Variants in SLC15A2 observed in about 807,000 individuals in gnomAD.
The protein encoded by SLC15A2 is kidney H(+)/peptide cotransporter.
In SLC15A2, 77 loss-of-function variants were observed where a neutral mutation model predicts 95.5. The ratio of observed to expected loss-of-function variants is 0.81; its 90% CI spans 0.67 to 0.97. The LOEUF is 0.97. SLC15A2 is among the 50% of genes least tolerant of loss of function. The pLI is 0.00. For missense variants in SLC15A2, 893 were observed against 874.4 expected, an observed-to-expected ratio of 1.02 and a Z score of -0.27; for synonymous variants, 306 against 306.9, an observed-to-expected ratio of 1.00 and a Z score of 0.03.
chr3:121,919,152 C>G (rs536261287), intron 7 of SLC15A2, among the ~76,000 whole-genome samples: 1 of 152,332 alleles, frequency 6.6e-6, no homozygotes, highest in African/African-American at 2.4e-5. Context: ...TACAGCTGTT[C>G]ACTCCTGTAG....
At chr3:121,929,620 A>G (rs1559852302) in intron 17 of SLC15A2, among the ~76,000 whole-genome samples, 1 of 152,088 alleles carries the variant, frequency 6.6e-6, no homozygotes, top group Non-Finnish European at 1.5e-5. Context: ...TCTTGCTCTC[A>G]GGAAAATAAC....
chr3:121,923,734 C>G (rs1710054556), intron 11 of SLC15A2, among the ~76,000 whole-genome samples: 1 of 152,300 alleles, frequency 6.6e-6, no homozygotes, highest in South Asian at 2.1e-4. Flanking sequence ...TTTCCAAACT[C>G]CATTCTTTAG....
At chr3:121,938,584 G>C (rs375921009) in intron 19 of SLC15A2, among the ~76,000 whole-genome samples, 9 of 152,302 alleles carry the variant, frequency 5.9e-5, no homozygotes, top group African/African-American at 1.9e-4. Flanking sequence ...CTGACCCCTC[G>C]CACTTCCCGA....
chr3:121,904,898 T>C (rs956012937), intron 3 of SLC15A2, among the ~76,000 whole-genome samples: 12 of 152,228 alleles, frequency 7.9e-5, no homozygotes, highest in East Asian at 1.9e-4. Context: ...CTTTTTCTAT[T>C]GATTGGAATA....
chr3:121,931,468 G>A (rs528490251), intron 18 of SLC15A2, among the ~76,000 whole-genome samples, 171 bp from the exon 19 acceptor site: 22 of 152,356 alleles, frequency 1.4e-4, no homozygotes, highest in Non-Finnish European at 2.4e-4. Flanking sequence ...ATCAGGGACA[G>A]AAGCCTGGCA....
At chr3:121,922,969 C>T in intron 9 of SLC15A2, 71 bp from the exon 10 acceptor site, 1 of 1,566,894 alleles carries the variant, frequency 6.4e-7, no homozygotes, top group Middle Eastern at 1.7e-4. Context: ...TTTTTGGACA[C>T]TTCTACTTTA....
chr3:121,939,566 T>C, intron 20 of SLC15A2, 71 bp downstream of exon 20: 1 of 1,315,060 alleles, frequency 7.6e-7, no homozygotes, highest in Non-Finnish European at 1.0e-6. Context: ...ATTCTAGCAC[T>C]GACTTAAATA....
At position 121,897,391 on chromosome 3, in the gene SLC15A2, T is replaced by C. The variant is rs1234439733; in HGVS notation, c.197T>C (p.Val66Ala). ...ERFSYYGMKA[V>A]LILYFLYFLH... ...CTCCTTTTTTTTCCCACTACAGCTGTGCTGATCCTGTATTTCCTGTATTTC... is the reference window on the plus strand; with the variant it reads ...CTCCTTTTTTTTCCCACTACAGCTGCGCTGATCCTGTATTTCCTGTATTTC... Residue 66 changes from valine to alanine, a missense_variant, in exon 3 of 22, where the codon GTG becomes GCG. Physicochemically the swap from Val to Ala is moderately conservative, Grantham distance 64. Coordinates refer to ENST00000489711, the MANE Select transcript of SLC15A2 (RefSeq NM_021082.4). The C allele has an allele frequency of 6.2e-7, 1 of 1,613,970 alleles. No individual in the cohort carries two copies. The highest frequency in any genetic ancestry group is 1.3e-5 in the African/African-American group (1 of 74,940).
chr3:121,927,683 A>G (rs1710147727), intron 13 of SLC15A2, 75 bp from the exon 14 acceptor site: 1 of 1,070,250 alleles, frequency 9.3e-7, no homozygotes, highest in Admixed American at 1.7e-5. Context: ...AGTCTTTAAT[A>G]ATAGGCTACA....
intron 3 of SLC15A2, among the ~76,000 whole-genome samples, chr3:121,906,756 G>C (rs566567109): frequency 2.0e-5 from 3 of 152,226 alleles, no homozygotes; most frequent in Non-Finnish European, 2.9e-5. Flanking sequence ...TTCCCTTTGT[G>C]GGTAACCCGA....
intron 3 of SLC15A2, among the ~76,000 whole-genome samples, chr3:121,898,824 C>T (rs1329717465): frequency 6.6e-6 from 1 of 152,084 alleles, no homozygotes; most frequent in East Asian, 1.9e-4. Context: ...CTTTAGTAAA[C>T]AATGGTTTAT....
chr3:121,924,808 T>A, intron 12 of SLC15A2, 137 bp from the exon 13 acceptor site: 1 of 708,386 alleles, frequency 1.4e-6, no homozygotes, highest in Non-Finnish European at 2.5e-6. Flanking sequence ...GACTGAGGAA[T>A]GTGGAGTCAT....
chr3:121,939,624 C>A, intron 20 of SLC15A2, 129 bp downstream of exon 20: 1 of 633,762 alleles, frequency 1.6e-6, no homozygotes, highest in Non-Finnish European at 2.5e-6. Context: ...TGACCCTGAA[C>A]ATATATGACC....
At position 121,895,597 on chromosome 3, in the gene SLC15A2, T is replaced by C. The variant is rs574185773; in HGVS notation, c.106-809T>C. On this transcript the variant is annotated intron_variant, in intron 1 of 21. Transcript: ENST00000489711. Reference sequence around the variant, plus strand: ...TTCTCATGAAATGAGGCAATATAAATCTTACAAGATTTGACTGTACTGAGG... The same window carrying C: ...TTCTCATGAAATGAGGCAATATAAACCTTACAAGATTTGACTGTACTGAGG... 2.6e-5 allele frequency among the ~76,000 whole-genome samples: 4 copies of C among 152,340 alleles called. No individual in the cohort carries two copies. In the South Asian group the frequency reaches 8.3e-4, roughly 32 times the overall value.
Position 121,894,794 on chromosome 3 carries a change from G to A in SLC15A2, c.105+213G>A, listed in dbSNP as rs182604235. Among the ~76,000 whole-genome samples, 291 of 152,316 alleles carry A rather than the reference G, an allele frequency of 1.9e-3. 1 individual carries two copies. Among genetic ancestry groups the A allele is most frequent in the South Asian group, 7.7e-3 (37 of 4,826 alleles). On this transcript the variant is annotated intron_variant, in intron 1 of 21. Coordinates refer to ENST00000489711, the MANE Select transcript of SLC15A2 (RefSeq NM_021082.4). The stretch of plus-strand genomic sequence containing the variant: ...AAGAGGTAGTCAAAGTTCTTCAGTT[G>A]GGATCCAGGGACTTGCTGAATTTCA...
Position 121,940,867 on chromosome 3 carries a change from G to C in SLC15A2, c.2050G>C (p.Val684Leu), listed in dbSNP as rs1559856962. 2 of 1,613,454 alleles carry C rather than the reference G, an allele frequency of 1.2e-6. No individual in the cohort carries two copies. The highest frequency in any genetic ancestry group is 3.3e-5 in the Admixed American group (2 of 59,854). Residue 684 changes from valine to leucine, a missense_variant, in exon 22 of 22, where the codon GTG becomes CTG. Physicochemically the swap from Val to Leu is conservative, Grantham distance 32. Coordinates refer to ENST00000489711, the MANE Select transcript of SLC15A2 (RefSeq NM_021082.4). ...EFILFSCLLL[V>L]ICLIFSIMGY... ...CATTTTGTTTTCCTGCCTCCTGCTG[G>C]TGATCTGCCTGATCTTCTCCATCAT...
At chr3:121,924,431 A>T (rs1311069344) in intron 12 of SLC15A2, 48 bp downstream of exon 12, 1 of 1,498,988 alleles carries the variant, frequency 6.7e-7, no homozygotes, top group East Asian at 2.3e-5. Flanking sequence ...TTCCTTATCT[A>T]TGCCTCCACC....
chr3:121,911,415 C>G (rs989393325), intron 3 of SLC15A2, among the ~76,000 whole-genome samples, 159 bp from the exon 4 acceptor site: 2 of 152,098 alleles, frequency 1.3e-5, no homozygotes, highest in Non-Finnish European at 2.9e-5. Flanking sequence ...CTTCATTCAC[C>G]ATTATTGTCT....
In SLC15A2 at chr3:121,922,817, C is replaced by A; in HGVS notation, c.823C>A (p.Pro275Thr). Residue 275 changes from proline to threonine, a missense_variant, in exon 9 of 22, where the codon CCA (proline) becomes ACA (threonine). Physicochemically the swap from Pro to Thr is conservative, Grantham distance 38 (BLOSUM62 -1). Coordinates refer to ENST00000489711, the MANE Select transcript of SLC15A2 (RefSeq NM_021082.4). ...TTTCAAGAACCGTTCTGGAGACATT[C>A]CAAAGCGACAGCACTGGCTAGACTG... is the stretch of plus-strand genomic sequence containing the variant. ...NRFKNRSGDI[P>T]KRQHWLDWAA... is the part of the protein sequence containing the mutation. 6.2e-7 allele frequency: 1 copy of A among 1,613,976 alleles called. No individual in the cohort carries two copies. Among genetic ancestry groups the A allele is most frequent in the Non-Finnish European group, 8.5e-7 (1 of 1,179,888 alleles).
Sources: gnomAD v4.1 joint callset for allele counts (sites outside exome capture counted in the v4.1 genomes callset) on GRCh38, gnomAD v4.1.1 for gene constraint, MANE v1.5 for transcripts, NCBI Gene and HGNC (gene_info 2026-07-23, HGNC 2026-07-21) for gene names.